The following COL16A1 variants were observed in gnomAD, a reference collection of about 807,000 sequenced individuals.
The protein encoded by COL16A1 is collagen type XVI alpha 1 chain, also known as collagen alpha-1(XVI) chain.
COL16A1 carries 189 observed loss-of-function variants against 266.3 expected under a neutral mutation model. The ratio of observed to expected loss-of-function variants is 0.71; its 90% confidence interval spans 0.63 to 0.80. COL16A1 has a LOEUF of 0.80. COL16A1 is among the 30% of genes least tolerant of loss of function. The pLI, the probability that COL16A1 is intolerant of heterozygous loss-of-function variation, is 0.00. For synonymous variants in COL16A1, 740 were observed against 782.3 expected, an observed-to-expected ratio of 0.95 and a Z score of 0.90; for missense variants, 1,928 against 2,122.4, an observed-to-expected ratio of 0.91 and a Z score of 1.80.
chr1:31,680,683 C>T (rs970364737), intron 39 of COL16A1, among the ~76,000 whole-genome samples: 5 of 152,140 alleles, frequency 3.3e-5, no homozygotes, highest in African/African-American at 9.7e-5. Context: ...GCTGGGGATA[C>T]GTGGAGCCCC....
In COL16A1 at chr1:31,675,274, C is replaced by T; in HGVS notation, c.2810G>A (p.Gly937Glu). 6.2e-7 allele frequency: 1 copy of T among 1,614,198 alleles called. No individual in the cohort carries two copies. The highest frequency in any genetic ancestry group is 1.6e-4 in the Middle Eastern group (1 of 6,062). ...PGNNGLPGQP[G>E]LTAELGSLPI... ...AGTACCCACCAGTTCTGCAGTGAGC[C>T]CAGGCTGTCCTGGCAAACCGTTGTT... is the stretch of plus-strand genomic sequence containing the variant. The change falls in exon 43 of 71, where the codon GGG (glycine) becomes GAG (glutamate). Residue 937 changes from glycine to glutamate, a missense_variant. Physicochemically the swap from Gly to Glu is moderately conservative, Grantham distance 98 (BLOSUM62 -2). Coordinates refer to ENST00000373672, the MANE Select transcript of COL16A1 (RefSeq NM_001856.4).
At position 31,661,424 on chromosome 1, in the gene COL16A1, G is replaced by C; in HGVS notation, c.3761C>G (p.Pro1254Arg). The change falls in exon 60 of 71, where the codon CCA becomes CGA. Residue 1254 changes from proline to arginine, a missense_variant. Pro to Arg is a moderately radical substitution (Grantham distance 103). Transcript: ENST00000373672. ...GTCACCAGCCCTTACCTTAGGTCCT[G>C]GGAGGCCAGGATGTCCTGTTTTCCC... Reference protein sequence around the residue: ...FKGKTGHPGLPGPKGDCGKPG... With the variant: ...FKGKTGHPGLRGPKGDCGKPG... The C allele has an allele frequency of 6.2e-7, 1 of 1,614,100 alleles. No homozygotes were observed. Among genetic ancestry groups the C allele is most frequent in the Non-Finnish European group, 8.5e-7 (1 of 1,180,042 alleles).
rs1644126708 is a variant in COL16A1 at position 31,688,991 on chromosome 1, G to A, written c.1657-20C>T. 3.1e-6 allele frequency: 5 copies of A among 1,614,070 alleles called. No homozygotes were observed. In the East Asian group the frequency reaches 8.9e-5, roughly 29 times the overall value. On this transcript the variant is annotated intron_variant, in intron 24 of 70. Coordinates refer to ENST00000373672, the MANE Select transcript of COL16A1 (RefSeq NM_001856.4). This position sits in a 1 kb window ranked among gnomAD's most constrained non-coding sequence, Gnocchi z 4.9. The stretch of plus-strand genomic sequence containing the variant: ...CTCCCCCTGGGGAAAGAAGAGGAAG[G>A]ATCAGAAATGCTTCCAGGTAGGCAG...
chr1:31,702,139 C>A lies in COL16A1; in HGVS notation c.55G>T (p.Gly19Cys). ...ATCTCACCTGTATTTGCCCCATGGC[C>A]GAAGGTAGCCCAAAGACCGAGCAGC... The part of the protein sequence containing the change: ...LWLLGLWATF[G>C]HGANTGAQCP... The change falls in exon 2 of 71, where the codon GGC becomes TGC. Residue 19 changes from glycine (G) to cysteine (C), a missense_variant. Transcript: ENST00000373672. The A allele has an allele frequency of 6.2e-7, 1 of 1,614,168 alleles. No individual in the cohort carries two copies. Among genetic ancestry groups the A allele is most frequent in the Non-Finnish European group, 8.5e-7 (1 of 1,180,008 alleles).
chr1:31,688,984 G>GAGGA lies in COL16A1; in HGVS notation c.1657-17_1657-14dup. ...AGCAGGGCTCCCCCTGGGGAAAGAA[G>GAGGA]AGGAAGGATCAGAAATGCTTCCAGG... is the stretch of plus-strand genomic sequence containing the variant. On this transcript the variant is annotated splice_polypyrimidine_tract_variant and intron_variant, in intron 24 of 70. Coordinates refer to ENST00000373672, the MANE Select transcript of COL16A1 (RefSeq NM_001856.4). This position sits in a 1 kb window ranked among gnomAD's most constrained non-coding sequence, Gnocchi z 4.9. The GAGGA allele has an allele frequency of 6.2e-7, 1 of 1,614,126 alleles. No individual in the cohort carries two copies.
intron 58 of COL16A1, among the ~76,000 whole-genome samples, chr1:31,661,919 T>C (rs1641707200): frequency 6.6e-6 from 1 of 151,962 alleles, no homozygotes; most frequent in Non-Finnish European, 1.5e-5. Flanking sequence ...TATAAGGGGG[T>C]TGACTTTGAT....
chr1:31,698,348 G>A lies in COL16A1; in HGVS notation c.390+135C>T. 2 of 1,529,464 alleles carry A rather than the reference G, an allele frequency of 1.3e-6. No homozygotes were observed. Among genetic ancestry groups the A allele is most frequent in the Non-Finnish European group, 1.8e-6 (2 of 1,132,646 alleles). 94.7% of individuals were successfully genotyped at this position (1,529,464 alleles called of 1,614,324 possible). On this transcript the variant is annotated intron_variant, in intron 5 of 70. Transcript: ENST00000373672. This position sits in a 1 kb window ranked among gnomAD's most constrained non-coding sequence, Gnocchi z 4.1. ...CTGAAAGAATGAGGTAGGTACTGGTGGGCTGGGGACAGGCTTGAGGGTAGG... is the reference window on the plus strand; with the variant it reads ...CTGAAAGAATGAGGTAGGTACTGGTAGGCTGGGGACAGGCTTGAGGGTAGG...
At chr1:31,665,552 A>G in intron 55 of COL16A1, 31 bp downstream of exon 55, 2 of 1,614,074 alleles carry the variant, frequency 1.2e-6, no homozygotes, top group South Asian at 2.2e-5. Context: ...ACCACATCAG[A>G]CAGAGCTGGC....
chr1:31,672,528 G>A, intron 46 of COL16A1, 26 bp from the exon 47 acceptor site: 1 of 1,614,056 alleles, frequency 6.2e-7, no homozygotes, highest in Non-Finnish European at 8.5e-7. Context: ...GACGGTGATA[G>A]TGAGCAGTCA....
chr1:31,690,956 C>T (rs1252268320), intron 20 of COL16A1, among the ~76,000 whole-genome samples: 2 of 152,212 alleles, frequency 1.3e-5, no homozygotes, highest in Admixed American at 6.5e-5. Context: ...TCTGCCCATC[C>T]CTATACCTGG....
At position 31,668,253 on chromosome 1, in the gene COL16A1, C is replaced by G; in HGVS notation, c.3250-35G>C. ...AAGGCAGACATGATGGATAGCCCCCCAACATTTCTGTTCTCCCCTCGCTGG... is the reference window on the plus strand; with the variant it reads ...AAGGCAGACATGATGGATAGCCCCCGAACATTTCTGTTCTCCCCTCGCTGG... On this transcript the variant is annotated intron_variant, in intron 50 of 70. Transcript: ENST00000373672. This position sits in a 1 kb window ranked among gnomAD's most constrained non-coding sequence, Gnocchi z 5.8. The G allele has an allele frequency of 6.2e-7, 1 of 1,610,286 alleles. No homozygotes were observed. Among genetic ancestry groups the G allele is most frequent in the Non-Finnish European group, 8.5e-7 (1 of 1,176,852 alleles).
Position 31,672,450 on chromosome 1 carries a change from C to G in COL16A1, c.3071G>C (p.Gly1024Ala), listed in dbSNP as rs1557639342. Residue 1024 changes from glycine to alanine, a missense_variant, in exon 47 of 71, where the codon GGT (glycine) becomes GCT (alanine). Coordinates refer to ENST00000373672, the MANE Select transcript of COL16A1 (RefSeq NM_001856.4). ...TCTCTGGCCTGGCAATCCCGGAGGA[C>G]CAGGTAGGCCTGGGCTCCCAACACA... Reference protein sequence around the residue: ...PGCVGSPGLPGPPGLPGQRGE... With the variant: ...PGCVGSPGLPAPPGLPGQRGE... 2 of 1,614,168 alleles carry G rather than the reference C, an allele frequency of 1.2e-6. No individual in the cohort carries two copies. The highest frequency in any genetic ancestry group is 1.7e-6 in the Non-Finnish European group (2 of 1,180,020).
In COL16A1 at chr1:31,653,633, G is replaced by A; in HGVS notation, c.4578C>T (p.Gly1526=). Residue 1526 remains glycine (G), a synonymous_variant, in exon 70 of 71, where the codon GGC becomes GGT. Transcript: ENST00000373672. ...TKGEKGDIGI[G]IAGENGLPGP... ...CGGGAAGACCATTTTCTCCTGCAAT[G>A]CCAATACCAATGTCCCCTTTTTCAC... is the stretch of plus-strand genomic sequence containing the variant. 6.2e-7 allele frequency: 1 copy of A among 1,613,892 alleles called. No individual in the cohort carries two copies. Among genetic ancestry groups the A allele is most frequent in the Non-Finnish European group, 8.5e-7 (1 of 1,179,906 alleles).
rs1431820937 is a variant in COL16A1 at position 31,672,813 on chromosome 1, G to T, written c.2887C>A (p.Gln963Lys). ...KSICGDCVQG[Q>K]RAHPGYLVEK... ...ACGAGGTACCCTGGGTGGGCCCTCTGCCCCTGGACACAGTCCCCGCAGATA... is the reference window on the plus strand; with the variant it reads ...ACGAGGTACCCTGGGTGGGCCCTCTTCCCCTGGACACAGTCCCCGCAGATA... The change falls in exon 45 of 71, where the codon CAG (glutamine) becomes AAG (lysine). Residue 963 changes from glutamine (Q) to lysine (K), a missense_variant. Gln to Lys is a moderately conservative substitution (Grantham distance 53). Transcript: ENST00000373672. 2 of 1,613,972 alleles carry T rather than the reference G, an allele frequency of 1.2e-6. No individual in the cohort carries two copies. The highest frequency in any genetic ancestry group is 2.7e-5 in the African/African-American group (2 of 74,912).
intron 40 of COL16A1, 85 bp from the exon 41 acceptor site, chr1:31,679,936 T>C: frequency 6.4e-7 from 1 of 1,552,400 alleles, no homozygotes; most frequent in Non-Finnish European, 8.7e-7. Context: ...GGGAGGCGGC[T>C]GGCTGGGGTG....
intron 11 of COL16A1, among the ~76,000 whole-genome samples, chr1:31,694,763 A>G (rs1375692889): frequency 6.6e-6 from 1 of 152,168 alleles, no homozygotes; most frequent in Admixed American, 6.5e-5. Flanking sequence ...AGCTAGAAAG[A>G]GACAGCAGGC....
At chr1:31,695,889 G>A (rs1644476593) in intron 9 of COL16A1, 102 bp from the exon 10 acceptor site, 1 of 1,119,764 alleles carries the variant, frequency 8.9e-7, no homozygotes. Context: ...GGGCACTCTA[G>A]AGAGTGCCAG....
At chr1:31,672,910 CCAG>C in intron 44 of COL16A1, 70 bp from the exon 45 acceptor site, 1 of 1,431,902 alleles carries the variant, frequency 7.0e-7, no homozygotes, top group Non-Finnish European at 9.7e-7. Context: ...CTGGGGAGCC[CCAG>C]TGAGAACCCA....
At chr1:31,669,485 A>C (rs1408156977) in intron 49 of COL16A1, among the ~76,000 whole-genome samples, 1 of 151,984 alleles carries the variant, frequency 6.6e-6, no homozygotes, top group Middle Eastern at 3.2e-3. Flanking sequence ...TGCAGGTGCC[A>C]TGCCATTAAG....
Sources: allele counts gnomAD v4.1 joint callset (sites outside exome capture counted in the v4.1 genomes callset), GRCh38; gene constraint gnomAD v4.1.1; non-coding constraint Gnocchi (gnomAD v3.1); transcripts MANE v1.5; gene names NCBI Gene and HGNC (gene_info 2026-07-23, HGNC 2026-07-21).